Variants in MACROD2 observed in about 807,000 individuals in gnomAD.
MACROD2 encodes the protein mono-ADP ribosylhydrolase 2, also known as ADP-ribose glycohydrolase MACROD2.
In MACROD2, 36 loss-of-function variants were observed where a neutral mutation model predicts 70.4. That is an observed-to-expected ratio of 0.51 (90% CI 0.39 to 0.68). The LOEUF (loss-of-function observed/expected upper bound fraction) is 0.68. MACROD2 is among the 30% of genes least tolerant of loss of function. The pLI, the probability that MACROD2 is intolerant of heterozygous loss-of-function variation, is 0.00. For synonymous variants in MACROD2, 172 were observed against 178.8 expected (o/e 0.96, Z 0.30); for missense variants, 496 against 538.4 (o/e 0.92, Z 0.78).
At chr20:14,207,877 G>A (rs2081537802) in intron 3 of MACROD2, among the ~76,000 whole-genome samples, 1 of 152,172 alleles carries the variant, frequency 6.6e-6, no homozygotes, top group African/African-American at 2.4e-5. Flanking sequence ...GCAAATGCAA[G>A]GTACATGTAG....
rs1178821556 is a variant in MACROD2, at chr20:15,443,667, G to A, written c.571+12232G>A. Among the ~76,000 whole-genome samples the A allele has an allele frequency of 2.0e-5, 3 of 152,062 alleles. No individual in the cohort carries two copies. In the South Asian group the frequency reaches 6.2e-4, roughly 32 times the overall value. ...TAATTGTGACTTAGCTTATGAAACTGGGCTCTAAGTTCTGTCACTGTTATA... is the reference window on the plus strand; with the variant it reads ...TAATTGTGACTTAGCTTATGAAACTAGGCTCTAAGTTCTGTCACTGTTATA... On this transcript the variant is annotated intron_variant, in intron 7 of 17. Coordinates refer to ENST00000684519, the MANE Select transcript of MACROD2 (RefSeq NM_001351661.2).
intron 5 of MACROD2, among the ~76,000 whole-genome samples, chr20:15,109,395 G>C (rs1319115902): frequency 6.6e-6 from 1 of 152,064 alleles, no homozygotes; most frequent in African/African-American, 2.4e-5. Flanking sequence ...ATATCTATTG[G>C]GAAAACATCT....
intron 2 of MACROD2, among the ~76,000 whole-genome samples, chr20:14,077,239 A>G (rs1456337987): frequency 3.9e-5 from 6 of 152,232 alleles, no homozygotes; most frequent in African/African-American, 1.2e-4. Flanking sequence ...TACTAATGCT[A>G]AACCTAAGTT....
At chr20:14,152,977 T>G (rs2055045976) in intron 3 of MACROD2, among the ~76,000 whole-genome samples, 1 of 152,232 alleles carries the variant, frequency 6.6e-6, no homozygotes, top group Non-Finnish European at 1.5e-5. Flanking sequence ...TTTACTTTGA[T>G]CATAAATTTA....
chr20:14,077,760 A>G (rs6110158), intron 2 of MACROD2, among the ~76,000 whole-genome samples: 2,926 of 152,272 alleles, frequency 0.019, 83 homozygotes, highest in African/African-American at 0.067. Context: ...ATTTCTATAT[A>G]AAGTTTTTTT....
At chr20:15,973,456 G>A (rs2066260956) in intron 13 of MACROD2, among the ~76,000 whole-genome samples, 1 of 152,030 alleles carries the variant, frequency 6.6e-6, no homozygotes, top group Non-Finnish European at 1.5e-5. Context: ...CTGAAAAATT[G>A]TACAATAATC....
At chr20:15,144,888 T>TTACTATA (rs2076219273) in intron 5 of MACROD2, among the ~76,000 whole-genome samples, 1 of 152,158 alleles carries the variant, frequency 6.6e-6, no homozygotes, top group African/African-American at 2.4e-5. Flanking sequence ...TATACTATAC[T>TTACTATA]TACTATATAC....
intron 3 of MACROD2, among the ~76,000 whole-genome samples, chr20:14,146,649 CT>C (rs2054947106): frequency 6.6e-6 from 1 of 152,196 alleles, no homozygotes; most frequent in Admixed American, 6.5e-5. Flanking sequence ...CTACTTTTCT[CT>C]TTGCTGATGG....
At chr20:14,317,337 T>A (rs2082621448) in intron 3 of MACROD2, among the ~76,000 whole-genome samples, 1 of 152,100 alleles carries the variant, frequency 6.6e-6, no homozygotes. Context: ...TCTGGATTCC[T>A]GGGTGGGCAC....
At chr20:16,044,483 G>A (rs2067351186) in intron 16 of MACROD2, 88 bp from the exon 17 acceptor site, 1 of 1,105,384 alleles carries the variant, frequency 9.0e-7, no homozygotes, top group Non-Finnish European at 1.3e-6. Context: ...TAGGAAATCA[G>A]GAAAGTATCA....
chr20:14,817,288 G>A (rs2072784796), intron 5 of MACROD2, among the ~76,000 whole-genome samples: 1 of 152,076 alleles, frequency 6.6e-6, no homozygotes, highest in Non-Finnish European at 1.5e-5. Flanking sequence ...ACATTTCATG[G>A]CAGGGAGCCA....
intron 6 of MACROD2, among the ~76,000 whole-genome samples, chr20:15,315,090 G>A (rs1187373126): frequency 1.3e-5 from 2 of 152,076 alleles, no homozygotes; most frequent in Non-Finnish European, 2.9e-5. Flanking sequence ...ACTGGAAGTG[G>A]GTCAATTAAA....
intron 3 of MACROD2, among the ~76,000 whole-genome samples, chr20:14,244,035 A>G (rs373992747): frequency 2.6e-5 from 4 of 152,030 alleles, no homozygotes; most frequent in African/African-American, 9.7e-5. Context: ...ACATCTAAAG[A>G]TAATCATCAA....
chr20:15,559,249 A>G (rs979450335), intron 8 of MACROD2, among the ~76,000 whole-genome samples: 4 of 151,330 alleles, frequency 2.6e-5, no homozygotes, highest in Admixed American at 2.0e-4. Context: ...AAAAAAAAAA[A>G]AAAGATTCTC....
intron 3 of MACROD2, among the ~76,000 whole-genome samples, chr20:14,173,422 G>A (rs1393966419): frequency 1.3e-5 from 2 of 152,010 alleles, no homozygotes; most frequent in Non-Finnish European, 1.5e-5. Context: ...ACTTTCTGGT[G>A]TGTTTTGCAT....
At chr20:14,964,532 C>T (rs1009134301) in intron 5 of MACROD2, among the ~76,000 whole-genome samples, 8 of 151,568 alleles carry the variant, frequency 5.3e-5, no homozygotes, top group Admixed American at 3.3e-4. Flanking sequence ...GAGATCGCGC[C>T]ACTGCACTTC....
intron 5 of MACROD2, among the ~76,000 whole-genome samples, chr20:14,834,247 T>C (rs1468595463): frequency 6.9e-6 from 1 of 144,056 alleles, no homozygotes; most frequent in Non-Finnish European, 1.5e-5. Flanking sequence ...CCCTTGCCGC[T>C]AGTATGGTTT....
intron 7 of MACROD2, among the ~76,000 whole-genome samples, chr20:15,491,819 A>G (rs1016941951): frequency 6.6e-6 from 1 of 152,220 alleles, no homozygotes; most frequent in South Asian, 2.1e-4. Flanking sequence ...TAAAAGGTTT[A>G]AGTCAAAGCA....
At chr20:14,231,969 C>T (rs1385085418) in intron 3 of MACROD2, among the ~76,000 whole-genome samples, 1 of 152,072 alleles carries the variant, frequency 6.6e-6, no homozygotes, top group African/African-American at 2.4e-5. Context: ...TGTCCTTCTC[C>T]CACTTGTTGA....
Sources: gnomAD v4.1 joint callset for allele counts (sites outside exome capture counted in the v4.1 genomes callset) on GRCh38, gnomAD v4.1.1 for gene constraint, MANE v1.5 for transcripts, NCBI Gene and HGNC (gene_info 2026-07-23, HGNC 2026-07-21) for gene names.